TAFA4: variants seen among roughly 807,000 people sequenced by gnomAD.
The protein encoded by TAFA4 is TAFA chemokine like family member 4.
In TAFA4, 20 loss-of-function variants were observed where a neutral mutation model predicts 21.1. The ratio of observed to expected loss-of-function variants is 0.95; its 90% CI spans 0.67 to 1.38. TAFA4 has a LOEUF of 1.38. TAFA4 is among the 40% of genes most tolerant of loss of function. The probability of loss-of-function intolerance (pLI) is 0.00; values close to 1 mark genes in which losing one functional copy is unlikely to be tolerated. For missense variants in TAFA4, 211 were observed against 180.9 expected (o/e 1.17, Z -0.95); for synonymous variants, 71 against 67.4 (o/e 1.05, Z -0.26).
chr3:68,789,559 T>C (rs973689024), intron 3 of TAFA4, among the ~76,000 whole-genome samples: 5 of 152,204 alleles, frequency 3.3e-5, no homozygotes, highest in African/African-American at 1.2e-4. Context: ...TATTTGTCAA[T>C]TGTGCCTTAA....
At chr3:68,810,065 T>C (rs1703798248) in intron 3 of TAFA4, among the ~76,000 whole-genome samples, 2 of 152,210 alleles carry the variant, frequency 1.3e-5, no homozygotes, top group Non-Finnish European at 1.5e-5. Context: ...GGGTCTTTTG[T>C]GGTTCCACAT....
intron 3 of TAFA4, among the ~76,000 whole-genome samples, chr3:68,815,327 G>C (rs760230952): frequency 7.2e-5 from 11 of 152,192 alleles, no homozygotes; most frequent in South Asian, 4.2e-4. Context: ...TCTCATTAAA[G>C]TAAAGAGCTT....
chr3:68,783,705 GAGAAAGAA>G (rs1445124894), intron 3 of TAFA4, among the ~76,000 whole-genome samples: 2 of 100,652 alleles, frequency 2.0e-5, no homozygotes, highest in African/African-American at 8.1e-5. Context: ...GAGAGAGAGA[GAGAAAGAA>G]AAAGAAAGAA....
At chr3:68,739,037 T>A in intron 5 of TAFA4, 38 bp downstream of exon 5, 1 of 1,609,364 alleles carries the variant, frequency 6.2e-7, no homozygotes, top group Non-Finnish European at 8.5e-7. Context: ...CCACAGTTGA[T>A]AACTTGTAAA....
At chr3:68,877,031 G>C (rs1190308338) in intron 3 of TAFA4, among the ~76,000 whole-genome samples, 1 of 152,072 alleles carries the variant, frequency 6.6e-6, no homozygotes, top group Non-Finnish European at 1.5e-5. Context: ...CAAAACTGAA[G>C]CTCATGCTGC....
intron 3 of TAFA4, among the ~76,000 whole-genome samples, chr3:68,773,819 TAAG>T (rs1318140089): frequency 1.3e-5 from 2 of 152,068 alleles, no homozygotes; most frequent in African/African-American, 2.4e-5. Context: ...CAGAGGCACT[TAAG>T]AAGACATGAG....
At position 68,931,915 on chromosome 3, in the gene TAFA4, C is replaced by A. The variant is rs1480637845; in HGVS notation, c.-123+325G>T. Among the ~76,000 whole-genome samples the A allele has an allele frequency of 3.9e-5, 6 of 152,170 alleles. No homozygotes were observed. In the East Asian group the frequency reaches 1.2e-3, roughly 29 times the overall value. On this transcript the variant is annotated intron_variant, in intron 1 of 5. Coordinates refer to ENST00000295569, the MANE Select transcript of TAFA4 (RefSeq NM_182522.5). ...TTCACCACCCCCTATACCAATTCAT[C>A]GAGTGGCCTCCTCCGCATCAGCAGA...
intron 5 of TAFA4, 46 bp from the exon 6 acceptor site, chr3:68,733,199 C>T (rs564741905): frequency 7.5e-6 from 12 of 1,598,352 alleles, no homozygotes; most frequent in South Asian, 2.3e-5. Context: ...CTATACCCAC[C>T]GAAATAACCA....
rs942309123 is a variant in TAFA4 at position 68,921,005 on chromosome 3, G to A, written c.-123+11235C>T. Among the ~76,000 whole-genome samples the A allele has an allele frequency of 2.0e-5, 3 of 152,108 alleles. No individual in the cohort carries two copies. In the South Asian group the frequency reaches 6.2e-4, roughly 32 times the overall value. ...AACTGTCTGGGGTTGAGTGCTGGGG[G>A]GACAAAGGCCAAAAGGGTCGGCAGC... On this transcript the variant is annotated intron_variant, in intron 1 of 5. Coordinates refer to ENST00000295569, the MANE Select transcript of TAFA4 (RefSeq NM_182522.5).
At chr3:68,760,398 C>T (rs897092559) in intron 3 of TAFA4, among the ~76,000 whole-genome samples, 10 of 152,174 alleles carry the variant, frequency 6.6e-5, no homozygotes, top group Admixed American at 2.6e-4. Context: ...AGTTCTTCAG[C>T]TGAAACTACT....
At chr3:68,926,114 C>A (rs1559565629) in intron 1 of TAFA4, among the ~76,000 whole-genome samples, 1 of 152,150 alleles carries the variant, frequency 6.6e-6, no homozygotes, top group Non-Finnish European at 1.5e-5. Flanking sequence ...CGCCTGTACT[C>A]CCAGCTACTC....
chr3:68,741,883 C>T (rs1366886728), intron 4 of TAFA4, among the ~76,000 whole-genome samples: 1 of 152,046 alleles, frequency 6.6e-6, no homozygotes, highest in Non-Finnish European at 1.5e-5. Flanking sequence ...TTAATAACGC[C>T]GGCATTACCT....
intron 4 of TAFA4, among the ~76,000 whole-genome samples, chr3:68,744,589 A>G (rs944231752): frequency 6.6e-6 from 1 of 152,232 alleles, no homozygotes; most frequent in African/African-American, 2.4e-5. Context: ...AATTCCAGTC[A>G]GCACTTACTT....
Position 68,923,831 on chromosome 3 carries a change from A to G in TAFA4, c.-123+8409T>C, listed in dbSNP as rs1575675853. ...GTTTGTCCAACGTTTCTTGAGTTCA[A>G]AGAATGAATAATCTACTAAGAGTTG... On this transcript the variant is annotated intron_variant, in intron 1 of 5. Coordinates refer to ENST00000295569, the MANE Select transcript of TAFA4 (RefSeq NM_182522.5). Among the ~76,000 whole-genome samples, 3 of 152,130 alleles carry G rather than the reference A, an allele frequency of 2.0e-5. No individual in the cohort carries two copies. In the South Asian group the frequency reaches 6.2e-4, roughly 32 times the overall value.
Position 68,736,302 on chromosome 3 carries a change from T to G in TAFA4, c.411+2773A>C, listed in dbSNP as rs112627321. 4.8e-3 allele frequency among the ~76,000 whole-genome samples: 731 copies of G among 151,998 alleles called. 9 individuals are homozygous for G. Among genetic ancestry groups the G allele is most frequent in the African/African-American group, 0.016 (665 of 41,504 alleles). On this transcript the variant is annotated intron_variant, in intron 5 of 5. Coordinates refer to ENST00000295569, the MANE Select transcript of TAFA4 (RefSeq NM_182522.5). ...AGGCAGGTCCACAGAGAGAGTCATA[T>G]TTTCCCAAAAGAAGCAGTAGCTGCA...
At chr3:68,827,067 A>G (rs1704257557) in intron 3 of TAFA4, among the ~76,000 whole-genome samples, 1 of 109,866 alleles carries the variant, frequency 9.1e-6, no homozygotes, top group African/African-American at 3.6e-5. Context: ...CCCTGTGTGT[A>G]ATGTTCCTCT....
At chr3:68,928,394 GCA>G (rs1435356382) in intron 1 of TAFA4, among the ~76,000 whole-genome samples, 3 of 152,106 alleles carry the variant, frequency 2.0e-5, no homozygotes, top group African/African-American at 7.2e-5. Context: ...CAACTAAAAG[GCA>G]CTAAGTATGA....
intron 3 of TAFA4, among the ~76,000 whole-genome samples, chr3:68,776,175 A>C (rs1703046855): frequency 6.6e-6 from 1 of 152,180 alleles, no homozygotes. Context: ...CCTAAACATA[A>C]TAATAATTAT....
chr3:68,813,445 G>C (rs1220152272), intron 3 of TAFA4, among the ~76,000 whole-genome samples: 1 of 152,076 alleles, frequency 6.6e-6, no homozygotes, highest in Non-Finnish European at 1.5e-5. Context: ...GAAGAAAAGA[G>C]AAGAATCAAA....
Sources: allele counts gnomAD v4.1 joint callset (sites outside exome capture counted in the v4.1 genomes callset), GRCh38; gene constraint gnomAD v4.1.1; transcripts MANE v1.5; gene names NCBI Gene and HGNC (gene_info 2026-07-23, HGNC 2026-07-21).